Variants in CSMD1 observed in about 807,000 individuals in gnomAD.
CSMD1 encodes the protein CUB and Sushi multiple domains 1, also known as CUB and sushi domain-containing protein 1.
CSMD1 carries 213 observed loss-of-function variants against 417.5 expected under a neutral mutation model. The ratio of observed to expected loss-of-function variants is 0.51; its 90% CI spans 0.46 to 0.57. CSMD1 has a LOEUF of 0.57. CSMD1 is among the 20% of genes least tolerant of loss of function. The probability of loss-of-function intolerance (pLI) is 0.00; values close to 1 mark genes in which losing one functional copy is unlikely to be tolerated. For synonymous variants in CSMD1, 2,862 were observed against 1,736.8 expected (o/e 1.65, Z -16.11); for missense variants, 6,923 against 4,529.7 (o/e 1.53, Z -15.17).
chr8:3,851,433 G>C (rs959730525), intron 5 of CSMD1, among the ~76,000 whole-genome samples: 1 of 152,154 alleles, frequency 6.6e-6, no homozygotes, highest in East Asian at 1.9e-4. Flanking sequence ...TCAGTGCTGA[G>C]TATTGCACTT....
At chr8:3,453,142 T>G (rs1050877103) in intron 12 of CSMD1, among the ~76,000 whole-genome samples, 1 of 152,232 alleles carries the variant, frequency 6.6e-6, no homozygotes, top group Non-Finnish European at 1.5e-5. Flanking sequence ...TAGTTTGTAT[T>G]TCCATGGGAT....
intron 1 of CSMD1, among the ~76,000 whole-genome samples, chr8:4,698,368 C>A (rs937531549): frequency 6.6e-6 from 1 of 152,058 alleles, no homozygotes; most frequent in Non-Finnish European, 1.5e-5. Flanking sequence ...CTGGTGAATG[C>A]ATCAGAGAAA....
At position 4,286,283 on chromosome 8, in the gene CSMD1, T is replaced by G. The variant is rs117747479; in HGVS notation, c.415+133670A>C. ...CCATGTCTCACTTGCTTCTACTTAG[T>G]GCTATCTGTCCTCAGGGGCCGTTGT... On this transcript the variant is annotated intron_variant, in intron 3 of 69. Coordinates refer to ENST00000635120, the MANE Select transcript of CSMD1 (RefSeq NM_033225.6). 5.1e-4 allele frequency among the ~76,000 whole-genome samples: 78 copies of G among 152,280 alleles called. No homozygotes were observed. The East Asian group carries it at 0.014, about 27-fold the overall frequency.
At chr8:3,160,900 T>C (rs1819848921) in intron 38 of CSMD1, among the ~76,000 whole-genome samples, 1 of 152,194 alleles carries the variant, frequency 6.6e-6, no homozygotes, top group Admixed American at 6.5e-5. Context: ...CTTGATTCAC[T>C]GCTACACAAT....
chr8:4,607,174 A>G (rs570647636), intron 2 of CSMD1, among the ~76,000 whole-genome samples: 1 of 152,286 alleles, frequency 6.6e-6, no homozygotes, highest in East Asian at 1.9e-4. Flanking sequence ...CTTGTACTCA[A>G]GGAACTAATT....
chr8:3,368,388 G>A (rs1809737739), intron 19 of CSMD1, among the ~76,000 whole-genome samples: 1 of 152,118 alleles, frequency 6.6e-6, no homozygotes, highest in African/African-American at 2.4e-5. Flanking sequence ...CTAGGCTGGA[G>A]TACAGTGGCG....
chr8:3,370,572 G>GAC (rs771551314), intron 18 of CSMD1, among the ~76,000 whole-genome samples: 2 of 152,212 alleles, frequency 1.3e-5, no homozygotes, highest in Non-Finnish European at 2.9e-5. Flanking sequence ...TGTCTGTGAG[G>GAC]GTGCTGCTAG....
At chr8:4,590,981 T>C (rs1217741159) in intron 2 of CSMD1, among the ~76,000 whole-genome samples, 1 of 152,216 alleles carries the variant, frequency 6.6e-6, no homozygotes, top group African/African-American at 2.4e-5. Context: ...CTTATTTTAG[T>C]CTTCATATCT....
At chr8:4,224,607 G>T (rs577291871) in intron 3 of CSMD1, among the ~76,000 whole-genome samples, 2 of 152,278 alleles carry the variant, frequency 1.3e-5, no homozygotes, top group Non-Finnish European at 1.5e-5. Flanking sequence ...CTTTGCAAAG[G>T]TTATGACTTC....
chr8:4,963,682 G>T (rs1181096489), intron 1 of CSMD1, among the ~76,000 whole-genome samples: 1 of 152,170 alleles, frequency 6.6e-6, no homozygotes, highest in African/African-American at 2.4e-5. Flanking sequence ...ATTCCTCTGT[G>T]TAGACACAGG....
At chr8:3,913,350 A>G (rs1201859996) in intron 5 of CSMD1, among the ~76,000 whole-genome samples, 1 of 152,140 alleles carries the variant, frequency 6.6e-6, no homozygotes, top group East Asian at 1.9e-4. Flanking sequence ...ATCCGATATC[A>G]GAACAGAGGA....
At chr8:4,449,650 A>G (rs562719366) in intron 2 of CSMD1, among the ~76,000 whole-genome samples, 43 of 152,312 alleles carry the variant, frequency 2.8e-4, no homozygotes, top group African/African-American at 1.0e-3. Flanking sequence ...CACATAGATC[A>G]TGAACATAAT....
In CSMD1 at chr8:3,421,941, C is replaced by G. The variant is rs901437142; in HGVS notation, c.1562-12336G>C. 6.6e-5 allele frequency among the ~76,000 whole-genome samples: 10 copies of G among 151,562 alleles called. No individual in the cohort carries two copies. The South Asian group carries it at 1.2e-3, about 19-fold the overall frequency. Reference sequence around the variant, plus strand: ...GCGTGAGCCACGGCGCCCGGCCCCACAGATGGCTTAGAGTATTAGCCACCA... The same window carrying G: ...GCGTGAGCCACGGCGCCCGGCCCCAGAGATGGCTTAGAGTATTAGCCACCA... On this transcript the variant is annotated intron_variant, in intron 12 of 69. Transcript: ENST00000635120.
intron 2 of CSMD1, among the ~76,000 whole-genome samples, chr8:4,536,568 C>T (rs1013463391): frequency 3.3e-5 from 5 of 152,170 alleles, no homozygotes; most frequent in Admixed American, 6.5e-5. Flanking sequence ...ACAGCAGCAT[C>T]GGACACTGTT....
At chr8:4,456,363 G>T (rs866037320) in intron 2 of CSMD1, among the ~76,000 whole-genome samples, 2 of 152,132 alleles carry the variant, frequency 1.3e-5, no homozygotes, top group African/African-American at 2.4e-5. Context: ...TAAAAATACT[G>T]TATCTGTCAC....
chr8:3,687,593 G>A (rs1408703011), intron 7 of CSMD1, among the ~76,000 whole-genome samples: 3 of 152,134 alleles, frequency 2.0e-5, no homozygotes, highest in Non-Finnish European at 4.4e-5. Flanking sequence ...TGCTCTTGTA[G>A]GGATCTCTTT....
chr8:4,808,216 C>G lies in CSMD1; in HGVS notation c.86-170658G>C, dbSNP rs1798699093. 2.6e-5 allele frequency among the ~76,000 whole-genome samples: 4 copies of G among 152,290 alleles called. No homozygotes were observed. In the South Asian group the frequency reaches 6.2e-4, roughly 24 times the overall value. The stretch of plus-strand genomic sequence containing the variant: ...TTCATTGCCAGCACCAGTCGGTCAG[C>G]AGCGGTATAGGGTTGCTGCATTAGG... On this transcript the variant is annotated intron_variant, in intron 1 of 69. Transcript: ENST00000635120.
At chr8:3,925,978 C>T (rs951901064) in intron 5 of CSMD1, among the ~76,000 whole-genome samples, 3 of 150,992 alleles carry the variant, frequency 2.0e-5, no homozygotes, top group African/African-American at 7.3e-5. Context: ...CTCAGTCACC[C>T]AATTTACCCT....
intron 2 of CSMD1, among the ~76,000 whole-genome samples, chr8:4,614,570 A>C (rs748832648): frequency 2.0e-5 from 3 of 152,144 alleles, no homozygotes; most frequent in Admixed American, 6.6e-5. Context: ...AGAAACCTAG[A>C]ACATAGAACA....
Sources: gnomAD v4.1 joint callset for allele counts (sites outside exome capture counted in the v4.1 genomes callset) on GRCh38, gnomAD v4.1.1 for gene constraint, MANE v1.5 for transcripts, NCBI Gene and HGNC (gene_info 2026-07-23, HGNC 2026-07-21) for gene names.